Variants in RILPL1 observed in about 807,000 individuals in gnomAD.
RILPL1 encodes the protein Rab interacting lysosomal protein like 1.
Under a neutral mutation model 50.3 loss-of-function variants are expected in RILPL1, and 33 were observed. That is an observed-to-expected ratio of 0.66 (90% CI 0.50 to 0.88). The LOEUF is 0.88. RILPL1 is among the 40% of genes least tolerant of loss of function. The pLI, the probability that RILPL1 is intolerant of heterozygous loss-of-function variation, is 0.00. For missense variants in RILPL1, 418 were observed against 542.5 expected, an observed-to-expected ratio of 0.77 and a Z score of 2.28; for synonymous variants, 205 against 228.6, an observed-to-expected ratio of 0.90 and a Z score of 0.93.
rs202003341 is a variant in RILPL1, at chr12:123,512,454, CTGTA to C, written c.460+11037_460+11040del. 5.8e-5 allele frequency among the ~76,000 whole-genome samples: 5 copies of C among 86,324 alleles called. No homozygotes were observed. The South Asian group carries it at 1.6e-3, about 28-fold the overall frequency. 56.6% of individuals were successfully genotyped at this position (86,324 alleles called of 152,430 possible). A position where few individuals can be genotyped will look rare whatever the true frequency, so the allele number is the denominator to read the frequency against. On this transcript the variant is annotated intron_variant, in intron 2 of 6. Coordinates refer to ENST00000376874, the MANE Select transcript of RILPL1 (RefSeq NM_178314.5). ...GGTCTGTGTGTGTGGTGTGTGAGGT[CTGTA>C]TGTGTGTGTGAGGGCTGTGTGTGAG...
At chr12:123,521,649 ATACACATATATG>A in intron 2 of RILPL1, among the ~76,000 whole-genome samples, 1 of 23,682 alleles carries the variant, frequency 4.2e-5, no homozygotes, top group African/African-American at 9.7e-5. Context: ...GTGTATATAT[ATACACATATATG>A]TATATATATA....
intron 2 of RILPL1, among the ~76,000 whole-genome samples, chr12:123,503,220 A>C (rs1234563073): frequency 7.5e-5 from 2 of 26,702 alleles, no homozygotes; most frequent in African/African-American, 3.1e-4. Context: ...TTTTTTTTTG[A>C]GACAGAGTCT....
In RILPL1 at chr12:123,523,489, A is replaced by G; in HGVS notation, c.460+6T>C. 6.2e-7 allele frequency: 1 copy of G among 1,613,940 alleles called. No homozygotes were observed. The highest frequency in any genetic ancestry group is 8.5e-7 in the Non-Finnish European group (1 of 1,179,876). On this transcript the variant is annotated splice_donor_region_variant and intron_variant, in intron 2 of 6. Coordinates refer to ENST00000376874, the MANE Select transcript of RILPL1 (RefSeq NM_178314.5). Reference sequence around the variant, plus strand: ...CCCCCTTGCATTGGCGCCGACCCCCACTTACCTTCATGCTTCTGGAACTCC... The same window carrying G: ...CCCCCTTGCATTGGCGCCGACCCCCGCTTACCTTCATGCTTCTGGAACTCC...
At chr12:123,525,700 CAAAA>C (rs1207503097) in intron 1 of RILPL1, among the ~76,000 whole-genome samples, 1 of 44,996 alleles carries the variant, frequency 2.2e-5, no homozygotes, top group Non-Finnish European at 4.3e-5. Flanking sequence ...GACACTGTCT[CAAAA>C]AAAAAAAAAA....
chr12:123,533,386 G>A lies in RILPL1; in HGVS notation c.97C>T (p.Leu33Phe). 6.4e-7 allele frequency: 1 copy of A among 1,561,560 alleles called. No homozygotes were observed. Among genetic ancestry groups the A allele is most frequent in the South Asian group, 1.2e-5 (1 of 85,012 alleles). Reference protein sequence around the residue: ...TVMDVYDIASLVGHEFERVID... With the variant: ...TVMDVYDIASFVGHEFERVID... ...ACCCGCTCGAACTCGTGGCCCACAA[G>A]CGACGCGATGTCGTACACGTCCATG... Residue 33 changes from leucine (L) to phenylalanine (F), a missense_variant, in exon 1 of 7, where the codon CTT (leucine) becomes TTT (phenylalanine). Leu to Phe is a conservative substitution (Grantham distance 22). Transcript: ENST00000376874. This position sits in a 1 kb window ranked among gnomAD's most constrained non-coding sequence, Gnocchi z 6.2.
At chr12:123,486,453 CCTT>C (rs1249880927) in intron 4 of RILPL1, among the ~76,000 whole-genome samples, 1 of 152,176 alleles carries the variant, frequency 6.6e-6, no homozygotes, top group Non-Finnish European at 1.5e-5. Context: ...CATCCTCTCA[CCTT>C]CTTGCATAGC....
At position 123,522,667 on chromosome 12, in the gene RILPL1, C is replaced by T. The variant is rs1885110500; in HGVS notation, c.460+828G>A. On this transcript the variant is annotated intron_variant, in intron 2 of 6. Transcript: ENST00000376874. This position sits in a 1 kb window ranked among gnomAD's most constrained non-coding sequence, Gnocchi z 4.0. ...GTAGCGCAGTGGTATGATCTCAGCT[C>T]ACTGTGGCCTCGACCTCCTGGGCTC... Among the ~76,000 whole-genome samples, 1 of 152,104 alleles carries T rather than the reference C, an allele frequency of 6.6e-6. No homozygotes were observed. Among genetic ancestry groups the T allele is most frequent in the Non-Finnish European group, 1.5e-5 (1 of 68,022 alleles).
intron 2 of RILPL1, among the ~76,000 whole-genome samples, chr12:123,500,000 C>T (rs1322696747): frequency 4.0e-5 from 6 of 149,936 alleles, no homozygotes; most frequent in South Asian, 2.1e-4. Flanking sequence ...GGCGCGATCT[C>T]GGCTCACTGC....
intron 2 of RILPL1, among the ~76,000 whole-genome samples, chr12:123,518,098 A>G (rs1282260775): frequency 6.6e-6 from 1 of 152,122 alleles, no homozygotes; most frequent in Non-Finnish European, 1.5e-5. Context: ...TTAGTGTTTA[A>G]TGGGGACAGT....
At chr12:123,494,207 G>C (rs1179740600) in intron 4 of RILPL1, among the ~76,000 whole-genome samples, 1 of 152,126 alleles carries the variant, frequency 6.6e-6, no homozygotes, top group Non-Finnish European at 1.5e-5. Flanking sequence ...TGACGAAATT[G>C]ACCACCAAAG....
intron 2 of RILPL1, among the ~76,000 whole-genome samples, chr12:123,509,733 G>A (rs186348806): frequency 5.3e-5 from 8 of 152,304 alleles, no homozygotes; most frequent in Admixed American, 2.6e-4. Flanking sequence ...CGTCGTTTTC[G>A]TCAGCAAGAT....
intron 6 of RILPL1, among the ~76,000 whole-genome samples, chr12:123,481,717 C>T (rs1034169657): frequency 6.6e-6 from 1 of 151,634 alleles, no homozygotes; most frequent in Non-Finnish European, 1.5e-5. Context: ...CCACCACGCC[C>T]GGCTGATTTT....
rs1885120651 is a variant in RILPL1 at position 123,522,964 on chromosome 12, C to T, written c.460+531G>A. Among the ~76,000 whole-genome samples, 1 of 152,042 alleles carries T rather than the reference C, an allele frequency of 6.6e-6. No homozygotes were observed. Among genetic ancestry groups the T allele is most frequent in the African/African-American group, 2.4e-5 (1 of 41,404 alleles). On this transcript the variant is annotated intron_variant, in intron 2 of 6. Coordinates refer to ENST00000376874, the MANE Select transcript of RILPL1 (RefSeq NM_178314.5). This position sits in a 1 kb window ranked among gnomAD's most constrained non-coding sequence, Gnocchi z 4.0. ...TTTGCATGACTGCCCCTGCAACCCC[C>T]GACCCAACAAATGCAGATATTTGCG...
rs1882675606 is a variant in RILPL1, at chr12:123,491,303, T to C, written c.802-5498A>G. On this transcript the variant is annotated intron_variant, in intron 4 of 6. Transcript: ENST00000376874. This position sits in a 1 kb window ranked among gnomAD's most constrained non-coding sequence, Gnocchi z 4.0. ...AGATAAGCTGGGGCCTTTTGTGGGT[T>C]GTCTGCTGATCCCTGGAGGTACTCT... Among the ~76,000 whole-genome samples, 2 of 152,160 alleles carry C rather than the reference T, an allele frequency of 1.3e-5. No homozygotes were observed. The highest frequency in any genetic ancestry group is 6.5e-5 in the Admixed American group (1 of 15,274).
At position 123,470,970 on chromosome 12, in the gene RILPL1, A is replaced by G. The variant is rs1881162757; in HGVS notation, c.*1568T>C. 1 of 152,190 alleles carries G rather than the reference A, an allele frequency of 6.6e-6. No homozygotes were observed. The highest frequency in any genetic ancestry group is 2.4e-5 in the African/African-American group (1 of 41,444). The allele number at this position is 152,190 out of a possible 1,614,324, so 9.4% of individuals were successfully genotyped here. ...ACTCAGGTTTGAGAAACACTGCTCTAACGCAGCAATAATTACCCTGTCTGA... is the reference window on the plus strand; with the variant it reads ...ACTCAGGTTTGAGAAACACTGCTCTGACGCAGCAATAATTACCCTGTCTGA... On this transcript the variant is annotated 3_prime_UTR_variant, in exon 7 of 7. Transcript: ENST00000376874.
chr12:123,531,199 T>C (rs941158391), intron 1 of RILPL1, among the ~76,000 whole-genome samples: 1 of 151,724 alleles, frequency 6.6e-6, no homozygotes, highest in Non-Finnish European at 1.5e-5. Flanking sequence ...GGAAAAGAAT[T>C]GCATCCTTGA....
chr12:123,487,455 C>T (rs947374795), intron 4 of RILPL1, among the ~76,000 whole-genome samples: 24 of 152,090 alleles, frequency 1.6e-4, no homozygotes, highest in African/African-American at 4.8e-4. Flanking sequence ...TACAGGCACC[C>T]GCCATCATGC....
chr12:123,502,520 C>G (rs1883461585), intron 2 of RILPL1, among the ~76,000 whole-genome samples: 1 of 152,240 alleles, frequency 6.6e-6, no homozygotes, highest in Non-Finnish European at 1.5e-5. Context: ...ACACACAGAG[C>G]CCTGAAGATG....
Position 123,498,702 on chromosome 12 carries a change from C to A in RILPL1, c.643G>T (p.Val215Leu). 7 of 1,613,744 alleles carry A rather than the reference C, an allele frequency of 4.3e-6. No individual in the cohort carries two copies. The highest frequency in any genetic ancestry group is 5.9e-6 in the Non-Finnish European group (7 of 1,179,890). ...ATCAGGGCTTTCCCCTGGGCCTCCA[C>A]CACCGTGACCCGGTGCCGAAGGTCA... The part of the protein sequence containing the change: ...NHDLRHRVTV[V>L]EAQGKALIEQ... Residue 215 changes from valine to leucine, a missense_variant, in exon 4 of 7, where the codon GTG becomes TTG. Physicochemically the swap from Val to Leu is conservative, Grantham distance 32. Coordinates refer to ENST00000376874, the MANE Select transcript of RILPL1 (RefSeq NM_178314.5). This position sits in a 1 kb window ranked among gnomAD's most constrained non-coding sequence, Gnocchi z 4.3.
Sources: allele counts gnomAD v4.1 joint callset (sites outside exome capture counted in the v4.1 genomes callset), GRCh38; gene constraint gnomAD v4.1.1; non-coding constraint Gnocchi (gnomAD v3.1); transcripts MANE v1.5; gene names NCBI Gene and HGNC (gene_info 2026-07-23, HGNC 2026-07-21).